The following CR1L variants were observed in gnomAD, a reference collection of about 807,000 sequenced individuals.
CR1L encodes the protein complement C3b/C4b receptor 1 like, also known as complement component receptor 1-like protein.
A neutral mutation model predicts 62.3 loss-of-function variants in CR1L; 59 were observed. The ratio of observed to expected loss-of-function variants is 0.95; its 90% CI spans 0.77 to 1.18. The LOEUF (loss-of-function observed/expected upper bound fraction) is 1.18, where lower values mean the gene tolerates loss of function less well. Among genes scored for constraint, CR1L ranks in the 50% most tolerant of loss-of-function variants. The pLI is 0.00. For synonymous variants in CR1L, 279 were observed against 248.7 expected, an observed-to-expected ratio of 1.12 and a Z score of -1.15; for missense variants, 700 against 702.8, an observed-to-expected ratio of 1.00 and a Z score of 0.04.
chr1:207,716,168 T>C (rs1187827061), intron 10 of CR1L, among the ~76,000 whole-genome samples: 1 of 152,202 alleles, frequency 6.6e-6, no homozygotes, highest in African/African-American at 2.4e-5. Flanking sequence ...TCCTGGAGTA[T>C]ATTTTCTTGT....
At chr1:207,715,314 T>C (rs1179742232) in intron 10 of CR1L, 1 of 1,583,358 alleles carries the variant, frequency 6.3e-7, no homozygotes, top group Non-Finnish European at 8.6e-7. Context: ...TTCTTTAGGT[T>C]CTGATTAAAA....
At chr1:207,717,824 C>T in intron 11 of CR1L, 133 bp downstream of exon 11, 2 of 1,087,714 alleles carry the variant, frequency 1.8e-6, no homozygotes, top group Non-Finnish European at 1.3e-6. Context: ...AACTACCTCC[C>T]AAGTGAATGA....
intron 1 of CR1L, among the ~76,000 whole-genome samples, chr1:207,656,475 T>C (rs148976687): frequency 1.1e-3 from 175 of 152,322 alleles, no homozygotes; most frequent in Non-Finnish European, 2.1e-3. Flanking sequence ...ATAGGCGTAT[T>C]AGGCCGTTTT....
chr1:207,694,236 A>C (rs1414321121), intron 4 of CR1L, 117 bp from the exon 5 acceptor site: 16 of 1,264,212 alleles, frequency 1.3e-5, no homozygotes, highest in Non-Finnish European at 1.8e-5. Context: ...GTAAAAATGT[A>C]CCTACGTGTT....
chr1:207,676,782 G>T (rs1307921650), intron 1 of CR1L, among the ~76,000 whole-genome samples: 2 of 152,114 alleles, frequency 1.3e-5, no homozygotes, highest in East Asian at 3.9e-4. Flanking sequence ...AGTCTCCCAA[G>T]TAGCTTGGAC....
At chr1:207,649,742 G>C (rs936945344) in intron 1 of CR1L, among the ~76,000 whole-genome samples, 1 of 152,070 alleles carries the variant, frequency 6.6e-6, no homozygotes, top group Non-Finnish European at 1.5e-5. Context: ...AGCTATGTTA[G>C]GAAGCCTTAG....
chr1:207,649,142 G>A (rs966559680), intron 1 of CR1L, among the ~76,000 whole-genome samples: 2 of 152,172 alleles, frequency 1.3e-5, no homozygotes, highest in African/African-American at 4.8e-5. Flanking sequence ...GGGGGAGGCA[G>A]AAAATGCTTC....
Position 207,694,359 on chromosome 1 carries a change from T to A in CR1L, c.470T>A (p.Ile157Asn). The A allele has an allele frequency of 6.2e-7, 1 of 1,614,026 alleles. No homozygotes were observed. Among genetic ancestry groups the A allele is most frequent in the African/African-American group, 1.3e-5 (1 of 75,054 alleles). Residue 157 changes from isoleucine (I) to asparagine (N), a missense_variant, in exon 5 of 12, where the codon ATT (isoleucine) becomes AAT (asparagine). Transcript: ENST00000508064. ...DNKTPVCDRI[I>N]CGLPPTIANG... ...TGTGCTCTTCCTTTCCCAGGAATTA[T>A]TTGTGGGCTACCCCCCACCATCGCC...
rs1653970912 is a variant in CR1L at position 207,715,405 on chromosome 1, G to A, written c.1415-2059G>A. 4.5e-6 allele frequency: 7 copies of A among 1,552,070 alleles called. No homozygotes were observed. In the African/African-American group the frequency reaches 8.1e-5, roughly 18 times the overall value. ...GTGTTCCAGTGTGTGAACGTGAGTA[G>A]AAAGAACTACGTAGTTTGGATAGCT... On this transcript the variant is annotated intron_variant, in intron 10 of 11. Coordinates refer to ENST00000508064, the MANE Select transcript of CR1L (RefSeq NM_175710.2).
chr1:207,695,581 A>G (rs1664065810), intron 5 of CR1L, among the ~76,000 whole-genome samples: 1 of 152,186 alleles, frequency 6.6e-6, no homozygotes, highest in African/African-American at 2.4e-5. Context: ...AACTTACTCT[A>G]GATACTTTCA....
At chr1:207,694,243 T>C (rs1664036160) in intron 4 of CR1L, 110 bp from the exon 5 acceptor site, 2 of 1,345,274 alleles carry the variant, frequency 1.5e-6, no homozygotes. Flanking sequence ...TGTACCTACG[T>C]GTTAGCAAAG....
At chr1:207,721,377 AT>A (rs1475225360) in intron 11 of CR1L, among the ~76,000 whole-genome samples, 1 of 125,242 alleles carries the variant, frequency 8.0e-6, no homozygotes, top group Non-Finnish European at 1.6e-5. Context: ...AGAGTGTGAT[AT>A]TCCCCTTCCG....
chr1:207,714,037 G>A (rs1653914939), intron 10 of CR1L, among the ~76,000 whole-genome samples: 1 of 152,220 alleles, frequency 6.6e-6, no homozygotes, highest in Admixed American at 6.5e-5. Context: ...ACCTGCGTTT[G>A]GTGGGTCCTG....
chr1:207,689,347 CCTAT>C (rs1663959571), intron 4 of CR1L, among the ~76,000 whole-genome samples: 1 of 151,798 alleles, frequency 6.6e-6, no homozygotes, highest in African/African-American at 2.4e-5. Flanking sequence ...AGATGATTAT[CCTAT>C]CTATGAAATG....
At chr1:207,677,340 A>C (rs1663710540) in intron 1 of CR1L, 49 bp from the exon 2 acceptor site, 1 of 781,658 alleles carries the variant, frequency 1.3e-6, no homozygotes, top group Non-Finnish European at 1.9e-6. Flanking sequence ...AAAAAAAAGT[A>C]TGGTAATTTC....
intron 10 of CR1L, among the ~76,000 whole-genome samples, chr1:207,715,846 C>T (rs1290422266): frequency 6.6e-6 from 1 of 152,162 alleles, no homozygotes; most frequent in Non-Finnish European, 1.5e-5. Flanking sequence ...CAGGTGCATG[C>T]CACCACACCT....
intron 10 of CR1L, chr1:207,715,507 A>G (rs1653972464): frequency 1.7e-6 from 1 of 588,534 alleles, no homozygotes; most frequent in African/African-American, 1.9e-5. Flanking sequence ...ATTACTGATT[A>G]AAATACTTCT....
intron 5 of CR1L, among the ~76,000 whole-genome samples, chr1:207,695,181 A>C (rs1664057827): frequency 6.6e-6 from 1 of 152,158 alleles, no homozygotes; most frequent in South Asian, 2.1e-4. Context: ...GTTGGACTGC[A>C]GAGGTGAGAT....
intron 11 of CR1L, among the ~76,000 whole-genome samples, chr1:207,721,541 A>G (rs1366409899): frequency 6.7e-6 from 1 of 150,020 alleles, no homozygotes; most frequent in African/African-American, 2.5e-5. Context: ...TTATGGCTGC[A>G]TAGTATTCCA....
Sources: gnomAD v4.1 joint callset for allele counts (sites outside exome capture counted in the v4.1 genomes callset) on GRCh38, gnomAD v4.1.1 for gene constraint, MANE v1.5 for transcripts, NCBI Gene and HGNC (gene_info 2026-07-23, HGNC 2026-07-21) for gene names.